Variants in HEPACAM observed in about 807,000 individuals in gnomAD.
HEPACAM encodes the protein hepatic and glial cell adhesion molecule, also known as hepatocyte cell adhesion molecule.
A neutral mutation model predicts 38.3 loss-of-function variants in HEPACAM; 18 were observed. The ratio of observed to expected loss-of-function variants is 0.47; its 90% CI spans 0.33 to 0.70. HEPACAM has a LOEUF of 0.70. HEPACAM is among the 30% of genes least tolerant of loss of function. The pLI is 0.03. For missense variants in HEPACAM, 466 were observed against 563.0 expected (o/e 0.83, Z 1.74); for synonymous variants, 216 against 243.1 (o/e 0.89, Z 1.04).
intron 4 of HEPACAM, 75 bp from the exon 5 acceptor site, chr11:124,922,893 G>C: frequency 6.8e-7 from 1 of 1,461,948 alleles, no homozygotes; most frequent in Non-Finnish European, 9.6e-7. Flanking sequence ...ACACAGGGAG[G>C]GATCTGATGG....
chr11:124,920,277 C>A lies in HEPACAM; in HGVS notation c.*861G>T. The A allele has an allele frequency of 9.6e-7, 1 of 1,041,974 alleles. No homozygotes were observed. Among genetic ancestry groups the A allele is most frequent in the South Asian group, 1.6e-5 (1 of 61,802 alleles). The allele number at this position is 1,041,974 out of a possible 1,614,324, so 64.5% of individuals were successfully genotyped here. On this transcript the variant is annotated 3_prime_UTR_variant, in exon 7 of 7. Coordinates refer to ENST00000298251, the MANE Select transcript of HEPACAM (RefSeq NM_152722.5). ...AGGAGGAATATATGAGTTTGATGAG[C>A]TAAAACAGTTCCTCATTTGGTCTAG...
rs1947097863 is a variant in HEPACAM at position 124,919,745 on chromosome 11, G to A, written c.*1393C>T. 6.2e-7 allele frequency: 1 copy of A among 1,613,288 alleles called. No homozygotes were observed. Among genetic ancestry groups the A allele is most frequent in the Non-Finnish European group, 8.5e-7 (1 of 1,179,692 alleles). ...CTGAGACAAAACTTGACCTGGTGTGGAGGTGATGGGTAACTGGGGCCTTGG... is the reference window on the plus strand; with the variant it reads ...CTGAGACAAAACTTGACCTGGTGTGAAGGTGATGGGTAACTGGGGCCTTGG... On this transcript the variant is annotated 3_prime_UTR_variant, in exon 7 of 7. Coordinates refer to ENST00000298251, the MANE Select transcript of HEPACAM (RefSeq NM_152722.5).
rs74570840 is a variant in HEPACAM, at chr11:124,924,816, C to T, written c.339G>A (p.Gln113=). The T allele has an allele frequency of 0.028, 45,133 of 1,614,120 alleles. 875 individuals carry two copies. Among genetic ancestry groups the T allele is most frequent in the East Asian group, 0.082 (3,693 of 44,868 alleles). Residue 113 remains glutamine, a synonymous_variant, in exon 2 of 7, where the codon CAG becomes CAA. Transcript: ENST00000298251. This position sits in a 1 kb window ranked among gnomAD's most constrained non-coding sequence, Gnocchi z 4.4. ...ENGSLLLSDL[Q]LADEGTYEVE... Reference sequence around the variant, plus strand: ...CCTCATAGGTGCCCTCATCGGCCAGCTGCAGGTCGCTGAGAAGCAGGGAGC... The same window carrying T: ...CCTCATAGGTGCCCTCATCGGCCAGTTGCAGGTCGCTGAGAAGCAGGGAGC...
At position 124,920,510 on chromosome 11, in the gene HEPACAM, C is replaced by T. The variant is rs1947113709; in HGVS notation, c.*628G>A. The T allele has an allele frequency of 1.4e-6, 2 of 1,472,036 alleles. No individual in the cohort carries two copies. The allele number at this position is 1,472,036 out of a possible 1,614,324, so 91.2% of individuals were successfully genotyped here. A position where few individuals can be genotyped will look rare whatever the true frequency, so the allele number is the denominator to read the frequency against. On this transcript the variant is annotated 3_prime_UTR_variant, in exon 7 of 7. Coordinates refer to ENST00000298251, the MANE Select transcript of HEPACAM (RefSeq NM_152722.5). ...AAAAGGAATGTACTCGTACCCTTCC[C>T]TCACCACCTTGTAGGTCCCCAGGTA...
intron 1 of HEPACAM, among the ~76,000 whole-genome samples, chr11:124,925,701 C>T (rs555617356): frequency 2.6e-5 from 4 of 152,168 alleles, no homozygotes; most frequent in Non-Finnish European, 4.4e-5. Flanking sequence ...TCTTACTAGG[C>T]TCACTCAGTG....
At chr11:124,929,194 G>A (rs1947254038) in intron 1 of HEPACAM, among the ~76,000 whole-genome samples, 2 of 152,108 alleles carry the variant, frequency 1.3e-5, no homozygotes, top group Admixed American at 6.5e-5. Flanking sequence ...AAGCCTTTCT[G>A]CCAATTTAAA....
Position 124,920,677 on chromosome 11 carries a change from GCAAAAAAAAAAAAAAAAA to G in HEPACAM, c.*443_*460del, listed in dbSNP as rs1947118449. 1 of 107,840 alleles carries G rather than the reference GCAAAAAAAAAAAAAAAAA, an allele frequency of 9.3e-6. No individual in the cohort carries two copies. Among genetic ancestry groups the G allele is most frequent in the Non-Finnish European group, 1.2e-5 (1 of 83,438 alleles). 6.7% of individuals were successfully genotyped at this position (107,840 alleles called of 1,614,324 possible). A position where few individuals can be genotyped will look rare whatever the true frequency, so the allele number is the denominator to read the frequency against. On this transcript the variant is annotated 3_prime_UTR_variant, in exon 7 of 7. Coordinates refer to ENST00000298251, the MANE Select transcript of HEPACAM (RefSeq NM_152722.5). ...AAAGTGGCCTCTCTAATCTGAACTT[GCAAAAAAAAAAAAAAAAA>G]AAAAAAAAAAAAAAGTGCCCCAGCA...
In HEPACAM at chr11:124,922,829, A is replaced by T. The variant is rs1947158797; in HGVS notation, c.804-11T>A. On this transcript the variant is annotated splice_polypyrimidine_tract_variant and intron_variant, in intron 4 of 6. Transcript: ENST00000298251. ...AGCTTCTTCTGTTTCCTGTGAATCA[A>T]TTCAGCCCCACTATGAGCCGAATTA... The T allele has an allele frequency of 6.2e-7, 1 of 1,614,126 alleles. No homozygotes were observed. Among genetic ancestry groups the T allele is most frequent in the Non-Finnish European group, 8.5e-7 (1 of 1,179,980 alleles).
intron 1 of HEPACAM, among the ~76,000 whole-genome samples, chr11:124,927,959 T>G (rs1947238368): frequency 6.6e-6 from 1 of 152,218 alleles, no homozygotes; most frequent in African/African-American, 2.4e-5. Context: ...TAAAGCTGAA[T>G]GTGTGAATAT....
At chr11:124,922,653 G>C (rs1947156120) in intron 5 of HEPACAM, 92 bp downstream of exon 5, 4 of 1,613,894 alleles carry the variant, frequency 2.5e-6, no homozygotes, top group Middle Eastern at 1.6e-4. Context: ...TCCCTGCAGA[G>C]CTGTTTTCCT....
At chr11:124,922,625 C>T in intron 5 of HEPACAM, 120 bp downstream of exon 5, 1 of 1,612,688 alleles carries the variant, frequency 6.2e-7, no homozygotes, top group Non-Finnish European at 8.5e-7. Flanking sequence ...AGTCTTCGTG[C>T]AGTTGGTGGG....
chr11:124,927,523 G>GTTTTTTTTTT (rs1019070666), intron 1 of HEPACAM, among the ~76,000 whole-genome samples: 16 of 97,540 alleles, frequency 1.6e-4, no homozygotes, highest in Non-Finnish European at 1.8e-4. Context: ...TTTTTTTTTT[G>GTTTTTTTTTT]TTTTTTTTTT....
Position 124,921,339 on chromosome 11 carries a change from C to A in HEPACAM, c.1050G>T (p.Ser350=), listed in dbSNP as rs1947134550. The change falls in exon 7 of 7, where the codon TCG becomes TCT. Residue 350 remains serine, a synonymous_variant. Transcript: ENST00000298251. This position sits in a 1 kb window ranked among gnomAD's most constrained non-coding sequence, Gnocchi z 4.6. ...GGGCAGAGCGGATGGGCAGCCCCGG[C>A]GAGCGGCCGGGCACGGCGGGAGACA... ...YSVSPAVPGR[S]PGLPIRSARR... is the part of the protein sequence containing the mutation. 3 of 1,268,456 alleles carry A rather than the reference C, an allele frequency of 2.4e-6. No homozygotes were observed. Among genetic ancestry groups the A allele is most frequent in the South Asian group, 3.1e-5 (1 of 32,714 alleles). 78.6% of individuals were successfully genotyped at this position (1,268,456 alleles called of 1,614,324 possible).
intron 6 of HEPACAM, among the ~76,000 whole-genome samples, chr11:124,922,107 A>G (rs1432597635): frequency 2.0e-5 from 3 of 152,238 alleles, no homozygotes; most frequent in Non-Finnish European, 4.4e-5. Context: ...CGATTCTCGT[A>G]GGAGCACACA....
In HEPACAM at chr11:124,920,551, A is replaced by G. The variant is rs1200309675; in HGVS notation, c.*587T>C. 7.3e-7 allele frequency: 1 copy of G among 1,369,838 alleles called. No individual in the cohort carries two copies. Among genetic ancestry groups the G allele is most frequent in the East Asian group, 3.3e-5 (1 of 30,370 alleles). The allele number at this position is 1,369,838 out of a possible 1,614,324, so 84.9% of individuals were successfully genotyped here. A position where few individuals can be genotyped will look rare whatever the true frequency, so the allele number is the denominator to read the frequency against. On this transcript the variant is annotated 3_prime_UTR_variant, in exon 7 of 7. Coordinates refer to ENST00000298251, the MANE Select transcript of HEPACAM (RefSeq NM_152722.5). ...TCCCCAGGTACCAGGTGCCCAGGGA[A>G]GAAGGCCTTCACAATGATCCCCCCA...
chr11:124,930,419 C>T (rs1426721939), intron 1 of HEPACAM, among the ~76,000 whole-genome samples: 3 of 152,142 alleles, frequency 2.0e-5, no homozygotes, highest in Non-Finnish European at 4.4e-5. Context: ...AATCAGGAAA[C>T]AGAAGCTGTG....
rs1405884792 is a variant in HEPACAM, at chr11:124,923,837, C to G, written c.601G>C (p.Val201Leu). ...SRMLLSPDQK[V>L]LTITRVLMED... ...ATGAGCACGCGGGTGATGGTGAGCACCTTTTGGTCGGGGGACAGGAGCATT... is the reference window on the plus strand; with the variant it reads ...ATGAGCACGCGGGTGATGGTGAGCAGCTTTTGGTCGGGGGACAGGAGCATT... Residue 201 changes from valine to leucine, a missense_variant, in exon 3 of 7, where the codon GTG (valine) becomes CTG (leucine). Transcript: ENST00000298251. The G allele has an allele frequency of 6.2e-7, 1 of 1,614,164 alleles. No individual in the cohort carries two copies. The highest frequency in any genetic ancestry group is 1.7e-5 in the Admixed American group (1 of 60,020).
At chr11:124,931,530 C>T (rs1456113921) in intron 1 of HEPACAM, among the ~76,000 whole-genome samples, 1 of 152,192 alleles carries the variant, frequency 6.6e-6, no homozygotes, top group Non-Finnish European at 1.5e-5. Flanking sequence ...GATACCAGTT[C>T]ATACCCAATA....
chr11:124,924,993 A>G lies in HEPACAM; in HGVS notation c.162T>C (p.Ser54=). 3 of 1,609,876 alleles carry G rather than the reference A, an allele frequency of 1.9e-6. No homozygotes were observed. The highest frequency in any genetic ancestry group is 1.1e-5 in the South Asian group (1 of 91,020). Residue 54 remains serine, a synonymous_variant, in exon 2 of 7, where the codon TCT becomes TCC. Coordinates refer to ENST00000298251, the MANE Select transcript of HEPACAM (RefSeq NM_152722.5). This position sits in a 1 kb window ranked among gnomAD's most constrained non-coding sequence, Gnocchi z 4.4. Reference sequence around the variant, plus strand: ...CGCTGCTGGTACTGCTGTACTGCACAGAAAGCAGAGCCGACTTCCCCACGG... The same window carrying G: ...CGCTGCTGGTACTGCTGTACTGCACGGAAAGCAGAGCCGACTTCCCCACGG... ...HGTVGKSALL[S]VQYSSTSSDR... is the part of the protein sequence containing the mutation.
Sources: gnomAD v4.1 joint callset for allele counts (sites outside exome capture counted in the v4.1 genomes callset) on GRCh38, gnomAD v4.1.1 for gene constraint, Gnocchi (gnomAD v3.1) non-coding constraint, MANE v1.5 for transcripts, NCBI Gene and HGNC (gene_info 2026-07-23, HGNC 2026-07-21) for gene names.